Variants in EYA2 observed in about 807,000 individuals in gnomAD.
The protein encoded by EYA2 is protein phosphatase EYA2.
A neutral mutation model predicts 69.2 loss-of-function variants in EYA2; 31 were observed. That is an observed-to-expected ratio of 0.45 (90% CI 0.34 to 0.60). EYA2 has a LOEUF of 0.60. Ranked by LOEUF, EYA2 falls within the 20% of genes least tolerant of loss-of-function variation. The pLI is 0.02. For missense variants in EYA2, 622 were observed against 701.2 expected (o/e 0.89, Z 1.28); for synonymous variants, 257 against 279.4 (o/e 0.92, Z 0.80).
At chr20:46,945,129 G>T (rs1978376554) in intron 1 of EYA2, among the ~76,000 whole-genome samples, 1 of 145,230 alleles carries the variant, frequency 6.9e-6, no homozygotes, top group African/African-American at 2.5e-5. Context: ...AAAAAAAAAA[G>T]GTTGCAGTTC....
chr20:47,036,491 G>A (rs1294948104), intron 5 of EYA2, among the ~76,000 whole-genome samples: 1 of 152,166 alleles, frequency 6.6e-6, no homozygotes, highest in African/African-American at 2.4e-5. Flanking sequence ...AGGGCTAGGA[G>A]GGTAAGCAGA....
intron 2 of EYA2, among the ~76,000 whole-genome samples, chr20:46,995,588 C>T (rs1232199556): frequency 1.3e-5 from 2 of 152,202 alleles, no homozygotes; most frequent in African/African-American, 4.8e-5. Flanking sequence ...TGAACTGATA[C>T]AGTTTACAGA....
intron 5 of EYA2, among the ~76,000 whole-genome samples, chr20:47,056,160 G>C (rs1455695986): frequency 6.6e-6 from 1 of 152,216 alleles, no homozygotes; most frequent in Non-Finnish European, 1.5e-5. Flanking sequence ...ATGTGGGCTA[G>C]ACTCCACGTG....
At chr20:47,155,184 A>G (rs186790782) in intron 10 of EYA2, among the ~76,000 whole-genome samples, 2 of 152,070 alleles carry the variant, frequency 1.3e-5, no homozygotes, top group African/African-American at 4.8e-5. Context: ...GTAAGATGAA[A>G]AATCGAATTA....
intron 1 of EYA2, among the ~76,000 whole-genome samples, chr20:46,964,313 A>G (rs1176117277): frequency 6.6e-6 from 1 of 152,028 alleles, no homozygotes; most frequent in Non-Finnish European, 1.5e-5. Context: ...TAAAAATCTC[A>G]CTCCAGGAGT....
At chr20:46,946,160 C>T (rs1247960861) in intron 1 of EYA2, among the ~76,000 whole-genome samples, 2 of 152,162 alleles carry the variant, frequency 1.3e-5, no homozygotes, top group African/African-American at 4.8e-5. Flanking sequence ...GGACCTCACC[C>T]ATTGGATCCC....
intron 7 of EYA2, among the ~76,000 whole-genome samples, chr20:47,076,915 A>G (rs2031538011): frequency 6.6e-6 from 1 of 152,298 alleles, no homozygotes; most frequent in East Asian, 1.9e-4. Context: ...CCATTCCTGC[A>G]AAAGTCCCAA....
chr20:46,952,154 GAGGGACCCTCCTTAAGGT>G (rs1978840454), intron 1 of EYA2, among the ~76,000 whole-genome samples: 2 of 152,182 alleles, frequency 1.3e-5, no homozygotes, highest in South Asian at 4.1e-4. Flanking sequence ...CAGGAGTAGT[GAGGGACCCTCCTTAAGGT>G]AGGGTGGTCA....
intron 10 of EYA2, among the ~76,000 whole-genome samples, chr20:47,165,650 T>G (rs2034167197): frequency 6.6e-6 from 1 of 152,224 alleles, no homozygotes; most frequent in African/African-American, 2.4e-5. Context: ...CTTTGTCACC[T>G]GCCACAAAGT....
chr20:47,187,205 C>T (rs1221432088), intron 15 of EYA2, among the ~76,000 whole-genome samples: 1 of 151,690 alleles, frequency 6.6e-6, no homozygotes, highest in African/African-American at 2.4e-5. Context: ...CCTATCTCTA[C>T]AAAAAATACA....
intron 5 of EYA2, among the ~76,000 whole-genome samples, chr20:47,056,364 G>T (rs1334403280): frequency 7.0e-6 from 1 of 142,116 alleles, no homozygotes; most frequent in Non-Finnish European, 1.6e-5. Context: ...TATCCAAATT[G>T]TTTTTTTTTT....
At chr20:47,069,193 G>A (rs928240694) in intron 5 of EYA2, among the ~76,000 whole-genome samples, 1 of 152,082 alleles carries the variant, frequency 6.6e-6, no homozygotes, top group East Asian at 1.9e-4. Context: ...TATACTACCT[G>A]GTTTCAAAAC....
intron 9 of EYA2, among the ~76,000 whole-genome samples, chr20:47,119,261 G>A (rs1003371112): frequency 9.9e-5 from 15 of 152,224 alleles, no homozygotes; most frequent in Admixed American, 9.2e-4. Context: ...ATTTGGGGTT[G>A]ACTTTGACAG....
chr20:47,080,956 C>T (rs1373845500), intron 7 of EYA2, among the ~76,000 whole-genome samples: 1 of 152,190 alleles, frequency 6.6e-6, no homozygotes, highest in Non-Finnish European at 1.5e-5. Flanking sequence ...TAACCTCGAA[C>T]TCCTGGGCTC....
intron 1 of EYA2, among the ~76,000 whole-genome samples, chr20:46,966,535 G>A (rs558476473): frequency 2.3e-4 from 35 of 152,258 alleles, no homozygotes; most frequent in African/African-American, 7.9e-4. Context: ...CAGGCCTGGC[G>A]CGGTGGCTCA....
Position 47,127,344 on chromosome 20 carries a change from T to C in EYA2, c.889-15715T>C, listed in dbSNP as rs144422436. Among the ~76,000 whole-genome samples the C allele has an allele frequency of 7.5e-4, 114 of 152,232 alleles. No homozygotes were observed. In the East Asian group the frequency reaches 0.019, roughly 25 times the overall value. On this transcript the variant is annotated intron_variant, in intron 9 of 15. Transcript: ENST00000327619. ...TGTGGCCAAGCTCGGTGGCTCATGCTTGTAATCCCAGCACTTTGGAAGGCC... is the reference window on the plus strand; with the variant it reads ...TGTGGCCAAGCTCGGTGGCTCATGCCTGTAATCCCAGCACTTTGGAAGGCC...
At chr20:46,903,450 G>A (rs897314146) in intron 1 of EYA2, among the ~76,000 whole-genome samples, 3 of 152,178 alleles carry the variant, frequency 2.0e-5, no homozygotes, top group South Asian at 2.1e-4. Flanking sequence ...AATGCGTTGT[G>A]CAGAATGAGG....
chr20:47,005,784 C>G (rs1251298821), intron 4 of EYA2, among the ~76,000 whole-genome samples: 1 of 152,240 alleles, frequency 6.6e-6, no homozygotes, highest in Non-Finnish European at 1.5e-5. Context: ...CTGTTCACAT[C>G]TTACAGCTAA....
At chr20:46,967,316 A>C (rs1811684016) in intron 1 of EYA2, among the ~76,000 whole-genome samples, 1 of 152,234 alleles carries the variant, frequency 6.6e-6, no homozygotes, top group Non-Finnish European at 1.5e-5. Flanking sequence ...TCTCAATTTA[A>C]ACTAGCCACA....
Sources: allele counts gnomAD v4.1 joint callset (sites outside exome capture counted in the v4.1 genomes callset), GRCh38; gene constraint gnomAD v4.1.1; transcripts MANE v1.5; gene names NCBI Gene and HGNC (gene_info 2026-07-23, HGNC 2026-07-21).